XG: variants seen among roughly 807,000 people sequenced by gnomAD.
XG encodes the protein glycoprotein Xg.
In XG, 24 loss-of-function variants were observed where a neutral mutation model predicts 25.7. The observed-to-expected ratio is 0.93, with a 90% CI of 0.68 to 1.31. The LOEUF is 1.31. Ranked by LOEUF, XG falls within the 40% of genes most tolerant of loss-of-function variation. The pLI is 0.00. For synonymous variants in XG, 77 were observed against 69.2 expected (o/e 1.11, Z -0.56); for missense variants, 181 against 187.6 (o/e 0.96, Z 0.21).
chrX:2,763,051 T>C (rs2050599809), intron 1 of XG, among the ~76,000 whole-genome samples: 1 of 152,196 alleles, frequency 6.6e-6, no homozygotes, highest in Non-Finnish European at 1.5e-5. Flanking sequence ...TCTTGCTCTG[T>C]CACCCAGGTT....
chrX:2,779,669 C>G (rs137887434), intron 3 of XG, among the ~76,000 whole-genome samples: 308 of 152,142 alleles, frequency 2.0e-3, no homozygotes, highest in African/African-American at 7.0e-3. Flanking sequence ...TATTTGGAGA[C>G]AGAATCTCAC....
At chrX:2,787,421 G>A (rs5982858) in intron 4 of XG, among the ~76,000 whole-genome samples, 13,320 of 110,377 alleles carry the variant, frequency 0.12, 934 homozygotes, top group African/African-American at 0.27. Context: ...AGATGAAGGC[G>A]TTTTGAGGGA....
At chrX:2,793,671 G>A (rs753988101) in intron 5 of XG, among the ~76,000 whole-genome samples, 1 of 111,633 alleles carries the variant, frequency 9.0e-6, no homozygotes, top group African/African-American at 3.3e-5. Flanking sequence ...AAATCTGTTG[G>A]GGTGGGTAGC....
At chrX:2,761,791 C>T (rs147488371) in intron 1 of XG, among the ~76,000 whole-genome samples, 2,663 of 152,102 alleles carry the variant, frequency 0.018, 26 homozygotes, top group Non-Finnish European at 0.028. Flanking sequence ...CATCTACAAG[C>T]CCAGGAGAGA....
intron 4 of XG, among the ~76,000 whole-genome samples, chrX:2,786,575 G>C (rs2086786832): frequency 1.8e-5 from 2 of 110,853 alleles, no homozygotes; most frequent in South Asian, 7.7e-4. Context: ...TCCTCATGTT[G>C]TCTTGAAAGT....
At chrX:2,785,129 C>T (rs188806259) in intron 4 of XG, among the ~76,000 whole-genome samples, 80 of 112,120 alleles carry the variant, frequency 7.1e-4, no homozygotes, top group Non-Finnish European at 2.8e-4. Flanking sequence ...CAGGAAGATA[C>T]GAGACAACTA....
In XG at chrX:2,768,926, A is replaced by G. The variant is rs951946883; in HGVS notation, c.62-1624A>G. ...GGGACGTGGGGGCTCCCAGAGTTTG[A>G]GAGAAACGGCCGTGTGGGATTTGAC... On this transcript the variant is annotated intron_variant, in intron 1 of 10. Coordinates refer to ENST00000644266, the MANE Select transcript of XG (RefSeq NM_001141919.2). 3.9e-5 allele frequency among the ~76,000 whole-genome samples: 6 copies of G among 152,154 alleles called. No homozygotes were observed. The East Asian group carries it at 5.8e-4, about 15-fold the overall frequency.
In XG at chrX:2,793,524, T is replaced by C. The variant is rs374612453; in HGVS notation, c.254-1011T>C. Among the ~76,000 whole-genome samples, 25 of 112,268 alleles carry C rather than the reference T, an allele frequency of 2.2e-4. 1 individual carries two copies. In the South Asian group the frequency reaches 3.7e-3, roughly 17 times the overall value. On this transcript the variant is annotated intron_variant, in intron 5 of 10. Coordinates refer to ENST00000644266, the MANE Select transcript of XG (RefSeq NM_001141919.2). ...AGGCTTGCAAAGCAGCCTTGGGTTA[T>C]TGAGAAAGCTCTCTCAGCGTGGATT... is the stretch of plus-strand genomic sequence containing the variant.
intron 2 of XG, among the ~76,000 whole-genome samples, chrX:2,774,384 T>C (rs2050927544): frequency 6.7e-6 from 1 of 149,300 alleles, no homozygotes; most frequent in African/African-American, 2.5e-5. Flanking sequence ...TCTCCTTCTT[T>C]TCTTTTGCCT....
At chrX:2,777,207 G>T (rs372717245) in intron 3 of XG, among the ~76,000 whole-genome samples, 1 of 152,138 alleles carries the variant, frequency 6.6e-6, no homozygotes, top group Non-Finnish European at 1.5e-5. Context: ...ATAATAACTG[G>T]TGTTAACAAC....
At chrX:2,765,174 C>T (rs190831791) in intron 1 of XG, among the ~76,000 whole-genome samples, 2 of 151,820 alleles carry the variant, frequency 1.3e-5, no homozygotes, top group South Asian at 2.1e-4. Flanking sequence ...GGTGAAACCC[C>T]ATCTCTACTA....
chrX:2,752,579 G>A (rs1380061251), intron 1 of XG, among the ~76,000 whole-genome samples: 7 of 152,082 alleles, frequency 4.6e-5, no homozygotes, highest in South Asian at 2.1e-4. Flanking sequence ...CTAGATATTC[G>A]CCATATTTTC....
chrX:2,783,096 T>A (rs1253603812), intron 4 of XG, among the ~76,000 whole-genome samples: 1 of 111,405 alleles, frequency 9.0e-6, no homozygotes, highest in Non-Finnish European at 1.9e-5. Flanking sequence ...AAAGGACACT[T>A]TGCATTATCA....
intron 9 of XG, among the ~76,000 whole-genome samples, chrX:2,808,937 G>A (rs1196477070): frequency 2.7e-5 from 3 of 111,628 alleles, no homozygotes; most frequent in African/African-American, 6.5e-5. Context: ...TCCCTCTGTG[G>A]TGTAAAGTGA....
intron 1 of XG, among the ~76,000 whole-genome samples, chrX:2,769,251 G>C (rs2050763771): frequency 6.6e-6 from 1 of 152,186 alleles, no homozygotes; most frequent in Non-Finnish European, 1.5e-5. Flanking sequence ...TTTTGGGAGG[G>C]AGACAGACAT....
chrX:2,777,827 G>A (rs1410839317), intron 3 of XG, among the ~76,000 whole-genome samples: 7 of 152,158 alleles, frequency 4.6e-5, no homozygotes, highest in African/African-American at 1.4e-4. Context: ...GTAGGAAGCC[G>A]AGGCGGGTGG....
At chrX:2,767,846 T>G (rs766849040) in intron 1 of XG, among the ~76,000 whole-genome samples, 19 of 152,326 alleles carry the variant, frequency 1.2e-4, no homozygotes, top group African/African-American at 4.6e-4. Flanking sequence ...GGTCTGGATG[T>G]GACCAACAAC....
At chrX:2,805,988 T>A (rs1240248496) in intron 7 of XG, among the ~76,000 whole-genome samples, 1 of 112,219 alleles carries the variant, frequency 8.9e-6, no homozygotes, top group Non-Finnish European at 1.9e-5. Context: ...TCTGTATTTT[T>A]AAAAATTGCT....
intron 1 of XG, among the ~76,000 whole-genome samples, chrX:2,769,080 G>A (rs1158056784): frequency 1.3e-5 from 2 of 152,200 alleles, no homozygotes; most frequent in Non-Finnish European, 2.9e-5. Context: ...ATTCCTGTCT[G>A]GGGATGCGTC....
Sources: allele counts gnomAD v4.1 joint callset (sites outside exome capture counted in the v4.1 genomes callset), GRCh38; gene constraint gnomAD v4.1.1; transcripts MANE v1.5; gene names NCBI Gene and HGNC (gene_info 2026-07-23, HGNC 2026-07-21).